UBAP2: variants seen among roughly 807,000 people sequenced by gnomAD.
UBAP2 encodes the protein ubiquitin-associated protein 2.
Under a neutral mutation model 139.6 loss-of-function variants are expected in UBAP2, and 75 were observed. The observed-to-expected ratio is 0.54, with a 90% confidence interval of 0.45 to 0.65. The LOEUF (loss-of-function observed/expected upper bound fraction) is 0.65, where lower values mean the gene tolerates loss of function less well. Among genes scored for constraint, UBAP2 ranks in the 30% least tolerant of loss-of-function variants. The pLI, the probability that UBAP2 is intolerant of heterozygous loss-of-function variation, is 0.00. For missense variants in UBAP2, 1,368 were observed against 1,369.6 expected (o/e 1.00, Z 0.02); for synonymous variants, 526 against 526.2 (o/e 1.00, Z 0.01).
At chr9:34,031,954 T>C (rs181182924) in intron 1 of UBAP2, among the ~76,000 whole-genome samples, 112 of 152,096 alleles carry the variant, frequency 7.4e-4, no homozygotes, top group African/African-American at 2.6e-3. Flanking sequence ...CTGGGTAACA[T>C]AGCAAGACCT....
chr9:33,943,919 GAAATTA>G (rs1825447003), intron 14 of UBAP2, among the ~76,000 whole-genome samples: 1 of 151,840 alleles, frequency 6.6e-6, no homozygotes, highest in South Asian at 2.1e-4. Flanking sequence ...AAAAAAAGGA[GAAATTA>G]AAAGTTAAAC....
At chr9:33,951,737 G>C (rs1229611816) in intron 12 of UBAP2, among the ~76,000 whole-genome samples, 1 of 152,062 alleles carries the variant, frequency 6.6e-6, no homozygotes, top group Non-Finnish European at 1.5e-5. Context: ...TTCTCATGTT[G>C]GTCATTCTCA....
chr9:33,968,414 A>C (rs568724628), intron 8 of UBAP2: 124 of 564,868 alleles, frequency 2.2e-4, no homozygotes, highest in African/African-American at 2.1e-3. Flanking sequence ...CACCACCACC[A>C]GGGCATACAT....
intron 8 of UBAP2, 102 bp from the exon 9 acceptor site, chr9:33,963,893 A>G: frequency 1.2e-6 from 1 of 823,742 alleles, no homozygotes; most frequent in South Asian, 1.4e-5. Flanking sequence ...ATGCTGCGTT[A>G]CTGCCCAAGG....
At chr9:33,944,224 G>A in intron 14 of UBAP2, 141 bp downstream of exon 14, 4 of 1,104,614 alleles carry the variant, frequency 3.6e-6, no homozygotes, top group South Asian at 1.5e-5. Flanking sequence ...ACTCAGAAAT[G>A]GCCATATCCT....
At chr9:34,036,759 T>A (rs1430963243) in intron 1 of UBAP2, among the ~76,000 whole-genome samples, 1 of 151,928 alleles carries the variant, frequency 6.6e-6, no homozygotes, top group Non-Finnish European at 1.5e-5. Context: ...TAATGTAAAC[T>A]TAGCATTCAC....
chr9:33,943,913 A>G (rs1825446177), intron 14 of UBAP2, among the ~76,000 whole-genome samples: 1 of 152,114 alleles, frequency 6.6e-6, no homozygotes, highest in Non-Finnish European at 1.5e-5. Context: ...TTAAAAAAAA[A>G]AAGGAGAAAT....
rs1316445613 is a variant in UBAP2 at position 34,029,661 on chromosome 9, C to A, written c.-41-12472G>T. 6.0e-5 allele frequency among the ~76,000 whole-genome samples: 9 copies of A among 150,930 alleles called. No individual in the cohort carries two copies. In the South Asian group the frequency reaches 6.3e-4, roughly 11 times the overall value. On this transcript the variant is annotated intron_variant, in intron 1 of 28. Coordinates refer to ENST00000379238, the MANE Select transcript of UBAP2 (RefSeq NM_001370062.2). ...GACCAGCCTGGGCAGCATAGCAAGACCTTGTCTCTATTTAAAAAAATAAAA... is the reference window on the plus strand; with the variant it reads ...GACCAGCCTGGGCAGCATAGCAAGAACTTGTCTCTATTTAAAAAAATAAAA...
At position 33,941,706 on chromosome 9, in the gene UBAP2, G is replaced by A; in HGVS notation, c.1872C>T (p.Asn624=). Reference sequence around the variant, plus strand: ...TCACAGGGCTTTGGTATGGGATCCTGTTATGCACAGAACTCTGGTCATAAG... The same window carrying A: ...TCACAGGGCTTTGGTATGGGATCCTATTATGCACAGAACTCTGGTCATAAG... ...SSSYDQSSVH[N]RIPYQSPVSS... Residue 624 remains asparagine, a synonymous_variant, in exon 16 of 29, where the codon AAC becomes AAT. Coordinates refer to ENST00000379238, the MANE Select transcript of UBAP2 (RefSeq NM_001370062.2). 6.2e-7 allele frequency: 1 copy of A among 1,614,108 alleles called. No homozygotes were observed. Among genetic ancestry groups the A allele is most frequent in the Non-Finnish European group, 8.5e-7 (1 of 1,180,012 alleles).
intron 19 of UBAP2, among the ~76,000 whole-genome samples, chr9:33,929,910 A>T (rs188899109): frequency 6.6e-6 from 1 of 152,222 alleles, no homozygotes; most frequent in Non-Finnish European, 1.5e-5. Flanking sequence ...AGGCTGAGGC[A>T]GGAGAACTGC....
chr9:34,045,619 G>A (rs1244948344), intron 1 of UBAP2, among the ~76,000 whole-genome samples: 6 of 151,908 alleles, frequency 3.9e-5, no homozygotes, highest in Admixed American at 6.6e-5. Context: ...TGACCCGCCC[G>A]CCTCCGCCTC....
At chr9:34,001,996 C>T (rs1057480822) in intron 2 of UBAP2, among the ~76,000 whole-genome samples, 8 of 151,708 alleles carry the variant, frequency 5.3e-5, no homozygotes, top group Admixed American at 4.6e-4. Flanking sequence ...CAGGGTTTCA[C>T]TCTGTGTTGG....
intron 8 of UBAP2, 59 bp downstream of exon 8, chr9:33,971,592 T>C (rs1289758522): frequency 1.0e-6 from 1 of 989,716 alleles, no homozygotes; most frequent in African/African-American, 1.6e-5. Context: ...TATGAGAACA[T>C]ACAACTCTTA....
At chr9:33,998,660 T>C in intron 3 of UBAP2, 127 bp downstream of exon 3, 1 of 772,172 alleles carries the variant, frequency 1.3e-6, no homozygotes, top group Non-Finnish European at 2.0e-6. Context: ...AAATCCAATA[T>C]ACAGATTTCA....
chr9:34,026,921 A>G (rs1304070865), intron 1 of UBAP2, among the ~76,000 whole-genome samples: 1 of 152,096 alleles, frequency 6.6e-6, no homozygotes, highest in Non-Finnish European at 1.5e-5. Context: ...CTTCTATACA[A>G]CAGCATAACT....
At chr9:33,986,366 G>C (rs1821212171) in intron 6 of UBAP2, among the ~76,000 whole-genome samples, 1 of 152,102 alleles carries the variant, frequency 6.6e-6, no homozygotes, top group Admixed American at 6.5e-5. Context: ...CTAGAAGTGA[G>C]GACTAGAGCA....
At chr9:33,982,127 A>G (rs556981090) in intron 6 of UBAP2, among the ~76,000 whole-genome samples, 183 of 152,160 alleles carry the variant, frequency 1.2e-3, no homozygotes, top group Non-Finnish European at 1.9e-3. Flanking sequence ...AAGCTTCAGG[A>G]AAGTCCTAAA....
chr9:33,989,492 C>T (rs541186679), intron 4 of UBAP2, among the ~76,000 whole-genome samples: 18 of 152,184 alleles, frequency 1.2e-4, no homozygotes, highest in African/African-American at 3.1e-4. Context: ...TGAGCCACCG[C>T]GCCCGGCACA....
At chr9:33,927,192 A>AAGGGC in intron 20 of UBAP2, 112 bp from the exon 21 acceptor site, 1 of 764,130 alleles carries the variant, frequency 1.3e-6, no homozygotes, top group Non-Finnish European at 2.1e-6. Flanking sequence ...GGGTTCAAAG[A>AAGGGC]AGGGCAGTGG....
Sources: gnomAD v4.1 joint callset for allele counts (sites outside exome capture counted in the v4.1 genomes callset) on GRCh38, gnomAD v4.1.1 for gene constraint, MANE v1.5 for transcripts, NCBI Gene and HGNC (gene_info 2026-07-23, HGNC 2026-07-21) for gene names.